WDR17: variants seen among roughly 807,000 people sequenced by gnomAD.
WDR17 encodes the protein WD repeat domain 17.
Under a neutral mutation model 161.7 loss-of-function variants are expected in WDR17, and 143 were observed. That is an observed-to-expected ratio of 0.88 (90% CI 0.77 to 1.02). WDR17 has a LOEUF of 1.02. Ranked by LOEUF, WDR17 falls within the 50% of genes least tolerant of loss-of-function variation. The probability of loss-of-function intolerance (pLI) is 0.00; values close to 1 mark genes in which losing one functional copy is unlikely to be tolerated. For synonymous variants in WDR17, 517 were observed against 515.6 expected (o/e 1.00, Z -0.04); for missense variants, 1,469 against 1,520.9 (o/e 0.97, Z 0.57).
At chr4:176,089,620 A>G (rs968785345) in intron 1 of WDR17, among the ~76,000 whole-genome samples, 2 of 151,858 alleles carry the variant, frequency 1.3e-5, no homozygotes, top group African/African-American at 2.4e-5. Flanking sequence ...AGTGCTGTAT[A>G]TATGAGTGCT....
intron 3 of WDR17, among the ~76,000 whole-genome samples, chr4:176,118,109 A>G (rs1740927631): frequency 6.6e-6 from 1 of 152,202 alleles, no homozygotes; most frequent in South Asian, 2.1e-4. Flanking sequence ...CACCAACTTG[A>G]AAAAGTCACT....
At chr4:176,152,516 G>T (rs1275790011) in intron 17 of WDR17, among the ~76,000 whole-genome samples, 2 of 147,378 alleles carry the variant, frequency 1.4e-5, no homozygotes, top group African/African-American at 5.0e-5. Context: ...TGAGGCAGGG[G>T]AATTGCCTGA....
chr4:176,157,725 T>C (rs1288861759), intron 18 of WDR17, among the ~76,000 whole-genome samples: 1 of 152,250 alleles, frequency 6.6e-6, no homozygotes, highest in Admixed American at 6.5e-5. Context: ...TTGTATTCTA[T>C]GTGATTATTG....
intron 4 of WDR17, among the ~76,000 whole-genome samples, chr4:176,122,502 A>G (rs1007201840): frequency 3.3e-5 from 5 of 152,222 alleles, no homozygotes; most frequent in African/African-American, 1.2e-4. Context: ...TACAGTCCTG[A>G]TAAGTATTTT....
chr4:176,134,229 G>GACT (rs1410330522), intron 7 of WDR17, among the ~76,000 whole-genome samples: 2 of 151,608 alleles, frequency 1.3e-5, no homozygotes, highest in African/African-American at 2.4e-5. Flanking sequence ...GAGTTTTAAG[G>GACT]ACTTTCTTCT....
intron 1 of WDR17, among the ~76,000 whole-genome samples, chr4:176,093,062 G>T (rs1736346235): frequency 6.6e-6 from 1 of 151,666 alleles, no homozygotes; most frequent in African/African-American, 2.4e-5. Context: ...AGAAAGAAAA[G>T]AAAAGAAATC....
intron 22 of WDR17, among the ~76,000 whole-genome samples, chr4:176,164,402 T>G (rs978467896): frequency 4.6e-5 from 7 of 152,190 alleles, no homozygotes; most frequent in Non-Finnish European, 1.0e-4. Context: ...AAATTCCACA[T>G]GAAAGTACTT....
intron 11 of WDR17, among the ~76,000 whole-genome samples, chr4:176,143,808 T>G (rs1020822196): frequency 6.6e-6 from 1 of 152,148 alleles, no homozygotes; most frequent in Non-Finnish European, 1.5e-5. Context: ...GTTTACACCC[T>G]TTATCATCAC....
chr4:176,079,304 C>CT lies in WDR17; in HGVS notation c.-7+13226dup, dbSNP rs529727730. Among the ~76,000 whole-genome samples, 591 of 152,178 alleles carry CT rather than the reference C, an allele frequency of 3.9e-3. 5 individuals carry two copies. Among genetic ancestry groups the CT allele is most frequent in the African/African-American group, 0.013 (541 of 41,522 alleles). ...CTTTACGTTTGATCCTACATTTTGG[C>CT]TATAGTGCTGCAGTGCTGCAGTAAA... On this transcript the variant is annotated intron_variant, in intron 1 of 28. Transcript: ENST00000508596.
chr4:176,149,400 G>T (rs995848946), intron 13 of WDR17, among the ~76,000 whole-genome samples: 3 of 151,912 alleles, frequency 2.0e-5, no homozygotes, highest in African/African-American at 7.3e-5. Flanking sequence ...CTTCCAAGTA[G>T]CTGGGACTAC....
intron 17 of WDR17, among the ~76,000 whole-genome samples, 174 bp from the exon 18 acceptor site, chr4:176,155,905 G>T (rs528766616): frequency 1.2e-3 from 183 of 151,708 alleles, no homozygotes; most frequent in Admixed American, 2.1e-3. Context: ...GCTCTTTAAA[G>T]ATTTTTTTTA....
At chr4:176,082,327 G>A (rs758913078) in intron 1 of WDR17, among the ~76,000 whole-genome samples, 1 of 151,978 alleles carries the variant, frequency 6.6e-6, no homozygotes, top group African/African-American at 2.4e-5. Flanking sequence ...TATACTCGGG[G>A]TGATGAAACA....
In WDR17 at chr4:176,181,758, T is replaced by C. The variant is rs1484265463; in HGVS notation, c.*2179T>C. On this transcript the variant is annotated 3_prime_UTR_variant, in exon 29 of 29. Coordinates refer to ENST00000508596, the MANE Select transcript of WDR17 (RefSeq NM_181265.4). Reference sequence around the variant, plus strand: ...ATACTTAAAAGGATATCATTAAGTATATAAACAATCATTACTTCTGTATTT... The same window carrying C: ...ATACTTAAAAGGATATCATTAAGTACATAAACAATCATTACTTCTGTATTT... 1 of 152,484 alleles carries C rather than the reference T, an allele frequency of 6.6e-6. No homozygotes were observed. Among genetic ancestry groups the C allele is most frequent in the East Asian group, 1.9e-4 (1 of 5,192 alleles). 9.4% of individuals were successfully genotyped at this position (152,484 alleles called of 1,614,324 possible). A position where few individuals can be genotyped will look rare whatever the true frequency, so the allele number is the denominator to read the frequency against.
chr4:176,167,478 C>G (rs1749955283), intron 22 of WDR17, among the ~76,000 whole-genome samples: 1 of 150,266 alleles, frequency 6.7e-6, no homozygotes, highest in Non-Finnish European at 1.5e-5. Context: ...AACCCCGTCT[C>G]TACTAAAAAT....
intron 1 of WDR17, among the ~76,000 whole-genome samples, chr4:176,110,523 C>A (rs1420230755): frequency 6.6e-6 from 1 of 152,086 alleles, no homozygotes; most frequent in East Asian, 1.9e-4. Context: ...TCAATAATTT[C>A]TTTTTGAATG....
intron 5 of WDR17, among the ~76,000 whole-genome samples, chr4:176,125,611 GCA>G (rs1188390223): frequency 2.1e-5 from 3 of 141,220 alleles, no homozygotes; most frequent in Non-Finnish European, 4.7e-5. Flanking sequence ...TTATATATGT[GCA>G]CACATGTGAG....
chr4:176,120,661 A>G (rs1490277249), intron 4 of WDR17, among the ~76,000 whole-genome samples: 1 of 151,960 alleles, frequency 6.6e-6, no homozygotes, highest in Non-Finnish European at 1.5e-5. Flanking sequence ...ATGATTAAAA[A>G]ATCAAAAATT....
At position 176,073,751 on chromosome 4, in the gene WDR17, T is replaced by C. The variant is rs1222147264; in HGVS notation, c.-7+7672T>C. Among the ~76,000 whole-genome samples, 4 of 151,370 alleles carry C rather than the reference T, an allele frequency of 2.6e-5. No homozygotes were observed. The South Asian group carries it at 8.4e-4, about 32-fold the overall frequency. ...GTAAAAGTGTTCCTATTTCTCCACA[T>C]CCTCTCCAGCACCTGTTGTTTCCTG... On this transcript the variant is annotated intron_variant, in intron 1 of 28. Transcript: ENST00000508596.
At chr4:176,173,192 A>G in intron 24 of WDR17, 75 bp from the exon 25 acceptor site, 1 of 970,730 alleles carries the variant, frequency 1.0e-6, no homozygotes, top group Non-Finnish European at 1.5e-6. Flanking sequence ...AAAATTAATT[A>G]TATAAGTTAA....
Sources: gnomAD v4.1 joint callset for allele counts (sites outside exome capture counted in the v4.1 genomes callset) on GRCh38, gnomAD v4.1.1 for gene constraint, MANE v1.5 for transcripts, NCBI Gene and HGNC (gene_info 2026-07-23, HGNC 2026-07-21) for gene names.